SLC9B1: variants seen among roughly 807,000 people sequenced by gnomAD.
The protein encoded by SLC9B1 is sodium/hydrogen exchanger 9B1.
SLC9B1 carries 32 observed loss-of-function variants against 51.7 expected under a neutral mutation model. The ratio of observed to expected loss-of-function variants is 0.62; its 90% CI spans 0.47 to 0.83. SLC9B1 has a LOEUF of 0.83. SLC9B1 is among the 40% of genes least tolerant of loss of function. SLC9B1 has a pLI of 0.00. For synonymous variants in SLC9B1, 145 were observed against 212.7 expected (o/e 0.68, Z 2.77); for missense variants, 406 against 613.2 (o/e 0.66, Z 3.57).
chr4:102,978,021 A>G (rs1739163785), intron 3 of SLC9B1, among the ~76,000 whole-genome samples: 1 of 151,926 alleles, frequency 6.6e-6, no homozygotes, highest in Admixed American at 6.6e-5. Context: ...ATGTGTTCTC[A>G]CTGTTCAATT....
chr4:102,896,531 A>C (rs1734548814), downstream of SLC9B1, among the ~76,000 whole-genome samples: 2 of 152,202 alleles, frequency 1.3e-5, no homozygotes, highest in Non-Finnish European at 2.9e-5. Context: ...ATTTTTAGTA[A>C]TTGAAAAAAT....
intron 1 of SLC9B1, among the ~76,000 whole-genome samples, chr4:103,008,968 T>A (rs1451291363): frequency 6.6e-6 from 1 of 151,978 alleles, no homozygotes; most frequent in African/African-American, 2.4e-5. Flanking sequence ...TCTGGCTAAT[T>A]TTTTGTATTT....
intron 1 of SLC9B1, 88 bp downstream of exon 1, chr4:103,019,511 G>T: frequency 1.1e-6 from 1 of 913,818 alleles, no homozygotes; most frequent in Non-Finnish European, 1.3e-6. Flanking sequence ...AGGCCCTCCT[G>T]CGGCCTACCG....
chr4:102,992,253 A>C (rs1739979213), intron 1 of SLC9B1, among the ~76,000 whole-genome samples: 1 of 152,164 alleles, frequency 6.6e-6, no homozygotes, highest in African/African-American at 2.4e-5. Context: ...AAACTAGATG[A>C]ATAAAATAAT....
chr4:102,979,940 T>C (rs917144051), intron 3 of SLC9B1, among the ~76,000 whole-genome samples: 7 of 152,042 alleles, frequency 4.6e-5, no homozygotes, highest in African/African-American at 1.7e-4. Context: ...GTAAAGGACA[T>C]GAGCAGACAC....
At chr4:103,004,743 G>GA (rs1740694896) in intron 1 of SLC9B1, among the ~76,000 whole-genome samples, 1 of 152,126 alleles carries the variant, frequency 6.6e-6, no homozygotes, top group Admixed American at 6.6e-5. Flanking sequence ...CCTTTCAGCA[G>GA]AAACTCTACA....
At chr4:102,937,165 C>T (rs1736761191) in intron 6 of SLC9B1, among the ~76,000 whole-genome samples, 1 of 152,000 alleles carries the variant, frequency 6.6e-6, no homozygotes, top group African/African-American at 2.4e-5. Context: ...TGGACTGGTG[C>T]TATCTTGGCT....
chr4:102,944,028 A>G (rs1737148963), intron 6 of SLC9B1, among the ~76,000 whole-genome samples: 1 of 152,204 alleles, frequency 6.6e-6, no homozygotes, highest in Non-Finnish European at 1.5e-5. Flanking sequence ...GCACATATAC[A>G]CCATAGAATA....
intron 6 of SLC9B1, among the ~76,000 whole-genome samples, chr4:102,943,925 C>G (rs1737143742): frequency 2.0e-5 from 3 of 152,090 alleles, no homozygotes; most frequent in Admixed American, 6.6e-5. Flanking sequence ...AACCTAAATG[C>G]CCATCAATGG....
At chr4:102,999,629 T>C (rs886616268) in intron 1 of SLC9B1, among the ~76,000 whole-genome samples, 6 of 152,156 alleles carry the variant, frequency 3.9e-5, no homozygotes, top group African/African-American at 1.4e-4. Context: ...TGGAAAGAAA[T>C]ATGTGGAGTA....
chr4:102,938,853 G>A (rs578150824), intron 6 of SLC9B1, among the ~76,000 whole-genome samples: 2 of 152,052 alleles, frequency 1.3e-5, no homozygotes, highest in South Asian at 2.1e-4. Flanking sequence ...CAACATTCTC[G>A]GCTCTCTAAG....
chr4:102,936,379 T>C (rs1736723429), intron 6 of SLC9B1, among the ~76,000 whole-genome samples: 1 of 152,184 alleles, frequency 6.6e-6, no homozygotes, highest in African/African-American at 2.4e-5. Flanking sequence ...CAAGCAATCA[T>C]ACTAACTCTC....
rs1038963406 is a variant in SLC9B1, at chr4:102,994,060, T to G, written c.-1-2348A>C. Reference sequence around the variant, plus strand: ...CTCTGAAAATGCCCTGGAGACATTTTCCCCATTGTCTTGGTGATTAACATT... The same window carrying G: ...CTCTGAAAATGCCCTGGAGACATTTGCCCCATTGTCTTGGTGATTAACATT... On this transcript the variant is annotated intron_variant, in intron 1 of 11. Transcript: ENST00000296422. Among the ~76,000 whole-genome samples, 10 of 152,316 alleles carry G rather than the reference T, an allele frequency of 6.6e-5. No homozygotes were observed. The South Asian group carries it at 1.5e-3, about 22-fold the overall frequency.
intron 1 of SLC9B1, 97 bp downstream of exon 1, chr4:103,019,502 G>A (rs1741631341): frequency 1.2e-6 from 1 of 832,848 alleles, no homozygotes; most frequent in African/African-American, 1.8e-5. Context: ...GGGGAGGAAA[G>A]GCCCTCCTGC....
intron 3 of SLC9B1, among the ~76,000 whole-genome samples, chr4:102,966,704 A>G (rs1321923645): frequency 6.6e-6 from 1 of 152,210 alleles, no homozygotes. Context: ...CAGGGCCTTT[A>G]AAAAATTGTC....
intron 11 of SLC9B1, among the ~76,000 whole-genome samples, chr4:102,893,432 A>C (rs1289724776): frequency 6.6e-6 from 1 of 152,240 alleles, no homozygotes; most frequent in East Asian, 1.9e-4. Context: ...TCCAAGAAGA[A>C]ATTTAAAATG....
chr4:103,009,088 G>A (rs11929841), intron 1 of SLC9B1, among the ~76,000 whole-genome samples: 60,702 of 152,052 alleles, frequency 0.4, 12,544 homozygotes, highest in African/African-American at 0.53. Context: ...GTGAGCCACT[G>A]CGCCTGGCCA....
At chr4:102,933,269 C>A (rs1289500939) in intron 6 of SLC9B1, among the ~76,000 whole-genome samples, 1 of 152,192 alleles carries the variant, frequency 6.6e-6, no homozygotes, top group East Asian at 1.9e-4. Context: ...CTCCAGACAG[C>A]ATCTGCCAAT....
chr4:102,905,313 T>G (rs1274127411), intron 11 of SLC9B1, among the ~76,000 whole-genome samples: 1 of 152,074 alleles, frequency 6.6e-6, no homozygotes, highest in Non-Finnish European at 1.5e-5. Flanking sequence ...CTCCGCCTCC[T>G]GGGTTCAAGC....
Sources: gnomAD v4.1 joint callset for allele counts (sites outside exome capture counted in the v4.1 genomes callset) on GRCh38, gnomAD v4.1.1 for gene constraint, MANE v1.5 for transcripts, NCBI Gene and HGNC (gene_info 2026-07-23, HGNC 2026-07-21) for gene names.